The following KNG1 variants were observed in gnomAD, a reference collection of about 807,000 sequenced individuals.
The protein encoded by KNG1 is kininogen 1, also known as kininogen-1.
KNG1 carries 23 observed loss-of-function variants against 47.8 expected under a neutral mutation model. The observed-to-expected ratio is 0.48, with a 90% CI of 0.35 to 0.68. The LOEUF (loss-of-function observed/expected upper bound fraction) is 0.68, where lower values mean the gene tolerates loss of function less well. KNG1 is among the 30% of genes least tolerant of loss of function. KNG1 has a pLI of 0.01. For synonymous variants in KNG1, 277 were observed against 277.0 expected (o/e 1.00, Z 0.00); for missense variants, 762 against 790.2 (o/e 0.96, Z 0.43).
rs772945510 is a variant in KNG1, at chr3:186,732,494, C to G, written c.758-8C>G. 3 of 1,613,962 alleles carry G rather than the reference C, an allele frequency of 1.9e-6. No homozygotes were observed. The highest frequency in any genetic ancestry group is 1.1e-5 in the South Asian group (1 of 91,080). On this transcript the variant is annotated splice_polypyrimidine_tract_variant and splice_region_variant and intron_variant, in intron 6 of 9. Transcript: ENST00000644859. ...TGTACATGTTGACTTAAAACCTGAT[C>G]CTTTCAGGGAAGGATTTTGTACAAC...
chr3:186,735,344 G>A (rs192457809), intron 7 of KNG1, among the ~76,000 whole-genome samples: 45 of 152,094 alleles, frequency 3.0e-4, no homozygotes, highest in African/African-American at 1.0e-3. Context: ...AAGGCCAGGC[G>A]TGGTGGCTCA....
At position 186,743,812 on chromosome 3, in the gene KNG1, C is replaced by A. The variant is rs780462607; in HGVS notation, c.*1481C>A. Reference sequence around the variant, plus strand: ...CAATGGGCAGAATCTTCACTCCAGGCACATAGCCCCAACCACCTCTGCCAG... The same window carrying A: ...CAATGGGCAGAATCTTCACTCCAGGAACATAGCCCCAACCACCTCTGCCAG... On this transcript the variant is annotated 3_prime_UTR_variant, in exon 10 of 10. Coordinates refer to ENST00000644859, the MANE Select transcript of KNG1 (RefSeq NM_001102416.3). 4 of 1,531,412 alleles carry A rather than the reference C, an allele frequency of 2.6e-6. No individual in the cohort carries two copies. Among genetic ancestry groups the A allele is most frequent in the South Asian group, 2.2e-5 (2 of 89,348 alleles). The allele number at this position is 1,531,412 out of a possible 1,614,324, so 94.9% of individuals were successfully genotyped here.
chr3:186,742,240 C>T lies in KNG1; in HGVS notation c.1844C>T (p.Pro615Leu). 6.2e-7 allele frequency: 1 copy of T among 1,614,192 alleles called. No individual in the cohort carries two copies. Among genetic ancestry groups the T allele is most frequent in the Non-Finnish European group, 8.5e-7 (1 of 1,180,038 alleles). The change falls in exon 10 of 10, where the codon CCT (proline) becomes CTT (leucine). Residue 615 changes from proline to leucine, a missense_variant. By Grantham distance (98) the Pro-to-Leu change is moderately conservative. Transcript: ENST00000644859. Reference protein sequence around the residue: ...DFPDTTSPKCPGRPWKSVSEI... With the variant: ...DFPDTTSPKCLGRPWKSVSEI... ...CCAGACACGACCTCCCCAAAATGTC[C>T]TGGACGCCCCTGGAAGTCAGTTAGT... is the stretch of plus-strand genomic sequence containing the variant.
At chr3:186,728,110 C>A (rs922614253) in intron 5 of KNG1, among the ~76,000 whole-genome samples, 1 of 152,206 alleles carries the variant, frequency 6.6e-6, no homozygotes, top group Non-Finnish European at 1.5e-5. Flanking sequence ...CCCTGAGTCT[C>A]TAGCCCTTAG....
chr3:186,727,680 T>C (rs1017901785), intron 5 of KNG1, among the ~76,000 whole-genome samples: 1 of 152,184 alleles, frequency 6.6e-6, no homozygotes, highest in East Asian at 1.9e-4. Context: ...CAAGCTATTC[T>C]CCTGCCTCAG....
At chr3:186,723,067 G>A (rs945652086) in intron 3 of KNG1, among the ~76,000 whole-genome samples, 3 of 152,024 alleles carry the variant, frequency 2.0e-5, no homozygotes, top group Non-Finnish European at 1.5e-5. Context: ...GATATATTGA[G>A]TCCTTATGTC....
chr3:186,742,068 G>A lies in KNG1; in HGVS notation c.1672G>A (p.Val558Ile), dbSNP rs770832235. The change falls in exon 10 of 10, where the codon GTT becomes ATT. Residue 558 changes from valine (V) to isoleucine (I), a missense_variant. Val to Ile is a conservative substitution (Grantham distance 29, BLOSUM62 3). Transcript: ENST00000644859. ...TTCCCTAGCCAAGCCAGGTGTAACA[G>A]TTACCTTTTCTGACTTTCAGGACTC... ...IPSLAKPGVT[V>I]TFSDFQDSDL... 6.2e-7 allele frequency: 1 copy of A among 1,613,984 alleles called. No homozygotes were observed.
intron 5 of KNG1, among the ~76,000 whole-genome samples, chr3:186,731,295 C>T (rs1720525411): frequency 6.6e-6 from 1 of 152,142 alleles, no homozygotes; most frequent in African/African-American, 2.4e-5. Context: ...TTTTTACTTA[C>T]ATGGCTGTTA....
chr3:186,720,664 C>A (rs753161293), intron 2 of KNG1: 10 of 195,456 alleles, frequency 5.1e-5, no homozygotes, highest in Non-Finnish European at 1.1e-4. Flanking sequence ...TAATATTGAC[C>A]TCATCAGGTT....
At chr3:186,729,892 G>A (rs184064476) in intron 5 of KNG1, among the ~76,000 whole-genome samples, 12 of 152,152 alleles carry the variant, frequency 7.9e-5, no homozygotes, top group East Asian at 3.9e-4. Context: ...GGCTGGTCTC[G>A]AACTCCCAAC....
chr3:186,727,729 G>A (rs967210201), intron 5 of KNG1, among the ~76,000 whole-genome samples: 10 of 152,088 alleles, frequency 6.6e-5, no homozygotes, highest in East Asian at 3.9e-4. Context: ...CAACCACCAC[G>A]CATGGCTAAT....
In KNG1 at chr3:186,742,904, A is replaced by G. The variant is rs1302308513; in HGVS notation, c.*573A>G. The G allele has an allele frequency of 3.1e-6, 3 of 979,188 alleles. No individual in the cohort carries two copies. Among genetic ancestry groups the G allele is most frequent in the African/African-American group, 1.8e-5 (1 of 57,118 alleles). 60.7% of individuals were successfully genotyped at this position (979,188 alleles called of 1,614,324 possible). ...CTGTCTCAGAAAAAAAGAAAAAAAA[A>G]GAAATAATAAGAAAAACTTCCAGAT... On this transcript the variant is annotated 3_prime_UTR_variant, in exon 10 of 10. Transcript: ENST00000644859.
intron 2 of KNG1, 91 bp from the exon 3 acceptor site, chr3:186,722,346 C>T (rs1317489180): frequency 5.6e-6 from 6 of 1,069,530 alleles, no homozygotes; most frequent in Non-Finnish European, 8.4e-6. Context: ...TTTTGTTTTG[C>T]TTTTTAAGGA....
chr3:186,723,254 C>A (rs1720256151), intron 3 of KNG1, among the ~76,000 whole-genome samples: 1 of 152,050 alleles, frequency 6.6e-6, no homozygotes. Context: ...GTTATCATTT[C>A]TATGAATTGG....
chr3:186,739,415 G>T lies in KNG1; in HGVS notation c.1125+1G>T, dbSNP rs1720750205. The T allele has an allele frequency of 6.3e-7, 1 of 1,593,564 alleles. No individual in the cohort carries two copies. Among genetic ancestry groups the T allele is most frequent in the Admixed American group, 1.7e-5 (1 of 59,960 alleles). On this transcript the variant is annotated splice_donor_variant, in intron 9 of 9. Coordinates refer to ENST00000644859, the MANE Select transcript of KNG1 (RefSeq NM_001102416.3). LOFTEE classifies it high-confidence loss of function. ...TGTCAACTGTCAACCACTGGGAATG[G>T]TATGATTCTAATTACAGTCAGCGTG...
Position 186,742,591 on chromosome 3 carries a change from G to A in KNG1, c.*260G>A, listed in dbSNP as rs1185566691. 2.3e-6 allele frequency: 3 copies of A among 1,307,886 alleles called. No individual in the cohort carries two copies. In the East Asian group the frequency reaches 1.0e-4, roughly 44 times the overall value. 81.0% of individuals were successfully genotyped at this position (1,307,886 alleles called of 1,614,324 possible). ...TAGCACAGTAAACAGACAAACTAAT[G>A]TGCCGTATGGCCTGCTGCAATTGGC... is the stretch of plus-strand genomic sequence containing the variant. On this transcript the variant is annotated 3_prime_UTR_variant, in exon 10 of 10. Transcript: ENST00000644859.
intron 3 of KNG1, among the ~76,000 whole-genome samples, chr3:186,722,856 G>C (rs548432809): frequency 6.6e-6 from 1 of 152,258 alleles, no homozygotes; most frequent in East Asian, 1.9e-4. Context: ...GGCAGACCTG[G>C]CCTGGAATCT....
chr3:186,741,736 A>C lies in KNG1; in HGVS notation c.1340A>C (p.His447Pro), dbSNP rs765152229. The C allele has an allele frequency of 1.2e-6, 2 of 1,614,220 alleles. No individual in the cohort carries two copies. The highest frequency in any genetic ancestry group is 1.7e-5 in the Admixed American group (1 of 60,020). ...RKHNLGHGHKHERDQGHGHQR... is the reference protein window; with the variant it reads ...RKHNLGHGHKPERDQGHGHQR... ...CATAATCTTGGCCATGGCCATAAAC[A>C]TGAACGTGACCAAGGGCATGGGCAC... is the stretch of plus-strand genomic sequence containing the variant. The change falls in exon 10 of 10, where the codon CAT becomes CCT. Residue 447 changes from histidine to proline, a missense_variant. Physicochemically the swap from His to Pro is moderately conservative, Grantham distance 77. Coordinates refer to ENST00000644859, the MANE Select transcript of KNG1 (RefSeq NM_001102416.3).
In KNG1 at chr3:186,743,494, A is replaced by G; in HGVS notation, c.*1163A>G. On this transcript the variant is annotated 3_prime_UTR_variant, in exon 10 of 10. Coordinates refer to ENST00000644859, the MANE Select transcript of KNG1 (RefSeq NM_001102416.3). ...ACAAGATATGGCTTTAAATAGCTAC[A>G]ATCATCTTTGGATGTATATGTCACT... 3.5e-6 allele frequency: 2 copies of G among 572,904 alleles called. No homozygotes were observed. The highest frequency in any genetic ancestry group is 6.2e-6 in the Non-Finnish European group (2 of 320,704). The allele number at this position is 572,904 out of a possible 1,614,324, so 35.5% of individuals were successfully genotyped here.
Sources: allele counts gnomAD v4.1 joint callset (sites outside exome capture counted in the v4.1 genomes callset), GRCh38; gene constraint gnomAD v4.1.1; transcripts MANE v1.5; gene names NCBI Gene and HGNC (gene_info 2026-07-23, HGNC 2026-07-21).